Variants in CNTNAP3B observed in about 807,000 individuals in gnomAD.
CNTNAP3B encodes contactin associated protein family member 3B.
In CNTNAP3B, 25 loss-of-function variants were observed where a neutral mutation model predicts 108.9. The observed-to-expected ratio is 0.23, with a 90% CI of 0.17 to 0.32. The LOEUF (loss-of-function observed/expected upper bound fraction) is 0.32. Ranked by LOEUF, CNTNAP3B falls within the 10% of genes least tolerant of loss-of-function variation. The pLI is 1.00. For synonymous variants in CNTNAP3B, 103 were observed against 473.4 expected (o/e 0.22, Z 10.16); for missense variants, 252 against 1,210.4 (o/e 0.21, Z 11.75).
chr9:41,944,284 A>C (rs1477032012), intron 13 of CNTNAP3B, among the ~76,000 whole-genome samples: 1 of 148,464 alleles, frequency 6.7e-6, no homozygotes, highest in African/African-American at 2.5e-5. Flanking sequence ...ATTAAAATAA[A>C]ATCTAGTGTC....
At chr9:42,042,795 G>A (rs1826789326) in intron 3 of CNTNAP3B, among the ~76,000 whole-genome samples, 1 of 129,074 alleles carries the variant, frequency 7.7e-6, no homozygotes, top group Non-Finnish European at 1.6e-5. Context: ...TCACCATTGA[G>A]TAACTTCTTT....
intron 14 of CNTNAP3B, among the ~76,000 whole-genome samples, chr9:41,933,647 A>G (rs1824048629): frequency 6.6e-6 from 1 of 152,254 alleles, no homozygotes; most frequent in Non-Finnish European, 1.5e-5. Context: ...CTGAACTCTC[A>G]TTTTTCCTGA....
intron 10 of CNTNAP3B, among the ~76,000 whole-genome samples, chr9:41,967,232 G>T (rs1478261379): frequency 6.6e-6 from 1 of 152,236 alleles, no homozygotes; most frequent in Non-Finnish European, 1.5e-5. Flanking sequence ...TTCCCACTGT[G>T]TCATGGGAGG....
chr9:41,963,781 T>C (rs1373739134), intron 11 of CNTNAP3B, among the ~76,000 whole-genome samples: 1 of 152,258 alleles, frequency 6.6e-6, no homozygotes. Flanking sequence ...CTCCTCATCT[T>C]CCCACAAACT....
intron 3 of CNTNAP3B, among the ~76,000 whole-genome samples, chr9:42,056,326 T>TTTTATTA (rs1554753495): frequency 0.019 from 2,393 of 128,808 alleles, 51 homozygotes; most frequent in African/African-American, 0.031. Context: ...TCTCATGAAT[T>TTTTATTA]TTATTATTAT....
chr9:42,051,913 C>A (rs938235581), intron 3 of CNTNAP3B, among the ~76,000 whole-genome samples: 12 of 152,112 alleles, frequency 7.9e-5, no homozygotes, highest in Admixed American at 1.3e-4. Flanking sequence ...GAGTGTAGCA[C>A]AATAGCTCCC....
rs562065044 is a variant in CNTNAP3B at position 41,973,102 on chromosome 9, T to C, written c.1478-2857A>G. ...ACAGACACGCACCACCATGCCCTGC[T>C]AATTTTTTTTTTTTGTATTTTTTTT... On this transcript the variant is annotated intron_variant, in intron 9 of 23. Transcript: ENST00000377561. 3.8e-3 allele frequency among the ~76,000 whole-genome samples: 523 copies of C among 136,560 alleles called. 5 individuals carry two copies. The highest frequency in any genetic ancestry group is 0.015 in the African/African-American group (493 of 33,250). The allele number at this position is 136,560 out of a possible 152,430, so 89.6% of individuals were successfully genotyped here.
At chr9:41,935,642 A>G (rs1270486196) in intron 14 of CNTNAP3B, among the ~76,000 whole-genome samples, 2 of 152,414 alleles carry the variant, frequency 1.3e-5, no homozygotes, top group South Asian at 2.1e-4. Flanking sequence ...CATTTACAAA[A>G]CAATCTACAA....
At position 41,932,745 on chromosome 9, in the gene CNTNAP3B, T is replaced by C. The variant is rs1202357403; in HGVS notation, c.2238-3301A>G. Among the ~76,000 whole-genome samples, 14 of 151,800 alleles carry C rather than the reference T, an allele frequency of 9.2e-5. No homozygotes were observed. In the East Asian group the frequency reaches 1.6e-3, roughly 17 times the overall value. On this transcript the variant is annotated intron_variant, in intron 14 of 23. Coordinates refer to ENST00000377561, the MANE Select transcript of CNTNAP3B (RefSeq NM_001201380.3). ...ATGTTGGTCAGGCTGGTCTCGAACT[T>C]CTGACTTCATGATCTGCCCGCCTTG...
intron 13 of CNTNAP3B, among the ~76,000 whole-genome samples, chr9:41,942,242 G>A (rs1315817573): frequency 1.3e-5 from 2 of 152,380 alleles, no homozygotes; most frequent in South Asian, 2.1e-4. Context: ...TTGGGAGGCC[G>A]AGGCGGGCAG....
At chr9:42,118,107 A>T (rs538567117) in intron 1 of CNTNAP3B, among the ~76,000 whole-genome samples, 1 of 137,738 alleles carries the variant, frequency 7.3e-6, no homozygotes, top group Non-Finnish European at 1.6e-5. Flanking sequence ...ACAAGGAGGA[A>T]CTGGTACCAT....
At position 42,124,515 on chromosome 9, in the gene CNTNAP3B, TC is replaced by T. The variant is rs1207420554; in HGVS notation, c.85+4494del. Among the ~76,000 whole-genome samples, 4 of 132,672 alleles carry T rather than the reference TC, an allele frequency of 3.0e-5. 1 individual carries two copies. Among genetic ancestry groups the T allele is most frequent in the Non-Finnish European group, 6.3e-5 (4 of 63,080 alleles). 87.0% of individuals were successfully genotyped at this position (132,672 alleles called of 152,430 possible). On this transcript the variant is annotated intron_variant, in intron 1 of 23. Transcript: ENST00000377561. ...TGTCAAGTGGAAAAGGAATATTTTT[TC>T]TACAGTGACAGAGCAGACTTGACAT... is the stretch of plus-strand genomic sequence containing the variant.
rs1337778282 is a variant in CNTNAP3B, at chr9:42,030,890, G to A, written c.391-17365C>T. ...GGTCTGTATTAGGACTGACCAAGGG[G>A]ACCACATAGGGTTCTCAGCCTCTTT... On this transcript the variant is annotated intron_variant, in intron 3 of 23. Transcript: ENST00000377561. Among the ~76,000 whole-genome samples, 10 of 111,672 alleles carry A rather than the reference G, an allele frequency of 9.0e-5. 2 individuals carry two copies. The highest frequency in any genetic ancestry group is 1.5e-4 in the Non-Finnish European group (8 of 55,126). The allele number at this position is 111,672 out of a possible 152,430, so 73.3% of individuals were successfully genotyped here.
Position 41,968,326 on chromosome 9 carries a change from C to A in CNTNAP3B, c.1649+1748G>T, listed in dbSNP as rs1192394875. On this transcript the variant is annotated intron_variant, in intron 10 of 23. Transcript: ENST00000377561. ...CCTTAACTCAGAGAGAGATGAGCTC[C>A]CTGGCTAGTTAGCTGAGCAACTTGG... Among the ~76,000 whole-genome samples, 21 of 141,112 alleles carry A rather than the reference C, an allele frequency of 1.5e-4. 2 individuals carry two copies. Among genetic ancestry groups the A allele is most frequent in the African/African-American group, 5.9e-4 (21 of 35,656 alleles). 92.6% of individuals were successfully genotyped at this position (141,112 alleles called of 152,430 possible).
At chr9:42,024,739 G>T (rs62554970) in intron 3 of CNTNAP3B, among the ~76,000 whole-genome samples, 2 of 114,794 alleles carry the variant, frequency 1.7e-5, no homozygotes, top group Non-Finnish European at 1.8e-5. Flanking sequence ...ATATAAAGCT[G>T]TCTGCTTCCC....
chr9:42,010,514 C>T (rs966417093), intron 4 of CNTNAP3B, among the ~76,000 whole-genome samples: 1 of 136,012 alleles, frequency 7.4e-6, no homozygotes, highest in Non-Finnish European at 1.6e-5. Flanking sequence ...TGAGAGATGC[C>T]CTCAAAGGCC....
intron 13 of CNTNAP3B, among the ~76,000 whole-genome samples, chr9:41,947,525 G>A (rs1255008305): frequency 2.0e-3 from 303 of 152,238 alleles, no homozygotes; most frequent in Non-Finnish European, 3.6e-3. Flanking sequence ...CAAAATATGT[G>A]AAATGTAGGT....
In CNTNAP3B at chr9:42,091,863, A is replaced by G. The variant is rs1293184364; in HGVS notation, c.196+12766T>C. ...GAAACTTAGCAACTTTGAGCATCAT[A>G]AAAAATAAATAGGAAGATACATGGA... On this transcript the variant is annotated intron_variant, in intron 2 of 23. Transcript: ENST00000377561. Among the ~76,000 whole-genome samples, 2 of 95,232 alleles carry G rather than the reference A, an allele frequency of 2.1e-5. 1 individual carries two copies. The highest frequency in any genetic ancestry group is 4.4e-5 in the Non-Finnish European group (2 of 45,096). The allele number at this position is 95,232 out of a possible 152,430, so 62.5% of individuals were successfully genotyped here.
At chr9:41,953,034 A>C (rs28591333) in intron 13 of CNTNAP3B, 149 bp downstream of exon 13, 147,826 of 1,038,892 alleles carry the variant, frequency 0.14, 3,640 homozygotes, top group South Asian at 0.18. Flanking sequence ...GGTCCAACCA[A>C]GAGCGGGAAG....
Sources: gnomAD v4.1 joint callset for allele counts (sites outside exome capture counted in the v4.1 genomes callset) on GRCh38, gnomAD v4.1.1 for gene constraint, MANE v1.5 for transcripts, NCBI Gene and HGNC (gene_info 2026-07-23, HGNC 2026-07-21) for gene names.